Variants in SLC44A1 observed in about 807,000 individuals in gnomAD.
SLC44A1 encodes the protein solute carrier family 44 member 1, also known as choline transporter-like protein 1.
In SLC44A1, 26 loss-of-function variants were observed where a neutral mutation model predicts 79.3. The ratio of observed to expected loss-of-function variants is 0.33; its 90% CI spans 0.24 to 0.46. SLC44A1 has a LOEUF of 0.46. Ranked by LOEUF, SLC44A1 falls within the 20% of genes least tolerant of loss-of-function variation. SLC44A1 has a pLI of 1.00. For synonymous variants in SLC44A1, 263 were observed against 286.2 expected (o/e 0.92, Z 0.82); for missense variants, 688 against 798.1 (o/e 0.86, Z 1.66).
chr9:105,369,061 A>C (rs1828025555), intron 12 of SLC44A1, among the ~76,000 whole-genome samples: 1 of 152,216 alleles, frequency 6.6e-6, no homozygotes, highest in African/African-American at 2.4e-5. Context: ...AAGCCTGTTG[A>C]AATTAAGATT....
At chr9:105,267,031 T>G (rs1346471023) in intron 1 of SLC44A1, among the ~76,000 whole-genome samples, 1 of 152,218 alleles carries the variant, frequency 6.6e-6, no homozygotes, top group African/African-American at 2.4e-5. Flanking sequence ...TCTTGGTTTA[T>G]TCCCTTGATT....
intron 3 of SLC44A1, among the ~76,000 whole-genome samples, chr9:105,326,998 C>T (rs1826598573): frequency 6.6e-6 from 1 of 152,218 alleles, no homozygotes; most frequent in Non-Finnish European, 1.5e-5. Context: ...GGATTCCAAA[C>T]CAGAATGTCC....
At chr9:105,385,289 A>C (rs1265765377) in intron 14 of SLC44A1, 133 bp from the exon 15 acceptor site, 1 of 649,072 alleles carries the variant, frequency 1.5e-6, no homozygotes, top group Non-Finnish European at 2.7e-6. Context: ...GATACTAAAC[A>C]TTATTTATTG....
At chr9:105,433,152 C>T (rs933070489) in intron 15 of SLC44A1, among the ~76,000 whole-genome samples, 2 of 151,898 alleles carry the variant, frequency 1.3e-5, no homozygotes, top group African/African-American at 2.4e-5. Flanking sequence ...AAAAATTAGC[C>T]GGGTATGGTA....
intron 5 of SLC44A1, among the ~76,000 whole-genome samples, chr9:105,354,039 CTTTTTTTTTTTTTTTT>C (rs556502972): frequency 0.068 from 6,739 of 98,512 alleles, 295 homozygotes; most frequent in South Asian, 0.15. Context: ...ACAGTTAATC[CTTTTTTTTTTTTTTTT>C]TTTTTTTTTT....
chr9:105,323,992 CT>C (rs1826484119), intron 3 of SLC44A1, among the ~76,000 whole-genome samples: 1 of 151,890 alleles, frequency 6.6e-6, no homozygotes, highest in Non-Finnish European at 1.5e-5. Flanking sequence ...CTCCCAAGTG[CT>C]TTTTGTTTTT....
intron 12 of SLC44A1, among the ~76,000 whole-genome samples, chr9:105,368,010 A>G (rs1345491795): frequency 6.6e-6 from 1 of 152,214 alleles, no homozygotes; most frequent in Admixed American, 6.5e-5. Context: ...ATTTAGACTC[A>G]AAAAGACTAA....
chr9:105,250,500 G>A (rs1055661950), intron 1 of SLC44A1, among the ~76,000 whole-genome samples: 3 of 152,162 alleles, frequency 2.0e-5, no homozygotes, highest in Non-Finnish European at 2.9e-5. Flanking sequence ...AAACTGCAAA[G>A]AAAGAATGAA....
chr9:105,362,791 A>G (rs1465152570), intron 8 of SLC44A1, 30 bp from the exon 9 acceptor site: 1 of 1,485,956 alleles, frequency 6.7e-7, no homozygotes, highest in Non-Finnish European at 9.0e-7. Flanking sequence ...ACTACTTATA[A>G]TAATAACTGA....
intron 12 of SLC44A1, among the ~76,000 whole-genome samples, chr9:105,367,406 T>C (rs763177797): frequency 6.6e-6 from 1 of 152,218 alleles, no homozygotes; most frequent in Non-Finnish European, 1.5e-5. Flanking sequence ...TACATTCTTA[T>C]AGGTCATAAT....
At position 105,314,203 on chromosome 9, in the gene SLC44A1, A is replaced by G. The variant is rs544567378; in HGVS notation, c.269+4337A>G. Among the ~76,000 whole-genome samples the G allele has an allele frequency of 1.8e-4, 27 of 152,280 alleles. No individual in the cohort carries two copies. The Middle Eastern group carries it at 0.01, about 58-fold the overall frequency. ...TGGACTGAGCTGGGACAAAAGGTCT[A>G]GCTTTGTTTGCCTCTGGGGAGAAGA... is the stretch of plus-strand genomic sequence containing the variant. On this transcript the variant is annotated intron_variant, in intron 3 of 15. Transcript: ENST00000374720.
At chr9:105,358,596 C>A (rs930448703) in intron 7 of SLC44A1, among the ~76,000 whole-genome samples, 163 bp downstream of exon 7, 1 of 152,166 alleles carries the variant, frequency 6.6e-6, no homozygotes, top group African/African-American at 2.4e-5. Flanking sequence ...TGCCCCTCCC[C>A]TCATTTCATC....
chr9:105,366,302 T>C (rs755611887), intron 11 of SLC44A1, 44 bp from the exon 12 acceptor site: 1 of 1,063,542 alleles, frequency 9.4e-7, no homozygotes, highest in South Asian at 1.9e-5. Flanking sequence ...TGTGACAGTT[T>C]GATTCTTTGG....
intron 4 of SLC44A1, among the ~76,000 whole-genome samples, chr9:105,337,725 C>T (rs1264884901): frequency 1.3e-5 from 2 of 152,166 alleles, no homozygotes; most frequent in South Asian, 4.1e-4. Context: ...GTCTTGGTCC[C>T]TTGAACCTGA....
At chr9:105,254,308 G>C (rs116350994) in intron 1 of SLC44A1, among the ~76,000 whole-genome samples, 2,359 of 152,250 alleles carry the variant, frequency 0.015, 62 homozygotes, top group African/African-American at 0.053. Flanking sequence ...ACAATCTCCA[G>C]TGGTTTTCCT....
At chr9:105,434,117 C>T (rs1215604289) in intron 15 of SLC44A1, among the ~76,000 whole-genome samples, 3 of 152,122 alleles carry the variant, frequency 2.0e-5, no homozygotes, top group African/African-American at 7.2e-5. Flanking sequence ...GCGGACGGAA[C>T]ATTTGAGTTT....
At chr9:105,295,798 GA>G (rs1268832791) in intron 1 of SLC44A1, among the ~76,000 whole-genome samples, 1 of 152,172 alleles carries the variant, frequency 6.6e-6, no homozygotes, top group Non-Finnish European at 1.5e-5. Flanking sequence ...GTGCAGGTGT[GA>G]AACCTTAGGC....
intron 3 of SLC44A1, among the ~76,000 whole-genome samples, chr9:105,327,064 A>T (rs979927920): frequency 6.6e-6 from 1 of 152,096 alleles, no homozygotes; most frequent in South Asian, 2.1e-4. Context: ...CTTTCCACCT[A>T]TGTATAATCA....
intron 1 of SLC44A1, among the ~76,000 whole-genome samples, chr9:105,266,650 T>A (rs181968354): frequency 6.6e-6 from 1 of 152,176 alleles, no homozygotes; most frequent in Admixed American, 6.5e-5. Flanking sequence ...TTCTGTTTGG[T>A]TTCATCCATT....
Sources: allele counts gnomAD v4.1 joint callset (sites outside exome capture counted in the v4.1 genomes callset), GRCh38; gene constraint gnomAD v4.1.1; transcripts MANE v1.5; gene names NCBI Gene and HGNC (gene_info 2026-07-23, HGNC 2026-07-21).